The following LRRTM4 variants were observed in gnomAD, a reference collection of about 807,000 sequenced individuals.
LRRTM4 encodes leucine rich repeat transmembrane neuronal 4, also known as leucine-rich repeat transmembrane neuronal protein 4.
Under a neutral mutation model 47.6 loss-of-function variants are expected in LRRTM4, and 25 were observed. The observed-to-expected ratio is 0.53, with a 90% confidence interval of 0.38 to 0.73. The LOEUF is 0.73. Among genes scored for constraint, LRRTM4 ranks in the 30% least tolerant of loss-of-function variants. LRRTM4 has a pLI of 0.00. For missense variants in LRRTM4, 638 were observed against 713.4 expected (o/e 0.89, Z 1.20); for synonymous variants, 311 against 269.5 (o/e 1.15, Z -1.51).
intron 3 of LRRTM4, among the ~76,000 whole-genome samples, chr2:77,044,404 A>G (rs936583950): frequency 6.6e-6 from 1 of 151,798 alleles, no homozygotes; most frequent in Non-Finnish European, 1.5e-5. Context: ...TGGAAGCTCA[A>G]AAATGCTAAC....
intron 3 of LRRTM4, among the ~76,000 whole-genome samples, chr2:77,333,402 A>C (rs1369684272): frequency 6.6e-6 from 1 of 152,206 alleles, no homozygotes; most frequent in Non-Finnish European, 1.5e-5. Context: ...AAATGCTGAT[A>C]ATGATATGGA....
At chr2:77,308,967 T>G (rs1677369688) in intron 3 of LRRTM4, among the ~76,000 whole-genome samples, 1 of 152,104 alleles carries the variant, frequency 6.6e-6, no homozygotes. Flanking sequence ...CAAAAGAATC[T>G]CATTTTCAAA....
chr2:77,259,650 C>CT (rs1212904331), intron 3 of LRRTM4, among the ~76,000 whole-genome samples: 1 of 151,958 alleles, frequency 6.6e-6, no homozygotes, highest in African/African-American at 2.4e-5. Context: ...TAGGCACACC[C>CT]TTTCCAAAGT....
At chr2:76,879,509 G>A (rs956852669) in intron 3 of LRRTM4, among the ~76,000 whole-genome samples, 4 of 152,140 alleles carry the variant, frequency 2.6e-5, no homozygotes, top group Admixed American at 6.5e-5. Context: ...TTACTGCTTG[G>A]TAATAAAACA....
chr2:77,076,897 T>A (rs963653757), intron 3 of LRRTM4, among the ~76,000 whole-genome samples: 1 of 152,164 alleles, frequency 6.6e-6, no homozygotes, highest in African/African-American at 2.4e-5. Context: ...ACATCAGTCA[T>A]CCCTTTGTTA....
intron 3 of LRRTM4, among the ~76,000 whole-genome samples, chr2:77,264,004 TTTAAG>T (rs1389642772): frequency 1.3e-5 from 2 of 149,634 alleles, no homozygotes; most frequent in Admixed American, 6.7e-5. Flanking sequence ...CCGAAACTTC[TTTAAG>T]TTTTTTTTTT....
chr2:77,358,734 T>C (rs771913493), intron 3 of LRRTM4, among the ~76,000 whole-genome samples: 4 of 152,176 alleles, frequency 2.6e-5, no homozygotes, highest in Non-Finnish European at 5.9e-5. Flanking sequence ...CCCATTACCT[T>C]ATGGCTTCGG....
chr2:76,780,081 A>G (rs542755763), intron 3 of LRRTM4, among the ~76,000 whole-genome samples: 2 of 152,168 alleles, frequency 1.3e-5, no homozygotes, highest in Non-Finnish European at 2.9e-5. Context: ...TGAATGTTGA[A>G]TATTGGCCCC....
intron 3 of LRRTM4, among the ~76,000 whole-genome samples, chr2:77,225,175 G>A (rs916446173): frequency 7.5e-6 from 1 of 132,458 alleles, no homozygotes; most frequent in African/African-American, 2.8e-5. Flanking sequence ...AGAACACATG[G>A]ACACAGGAAG....
intron 3 of LRRTM4, among the ~76,000 whole-genome samples, chr2:77,226,110 G>A (rs979005906): frequency 3.3e-5 from 5 of 151,388 alleles, no homozygotes; most frequent in Non-Finnish European, 7.4e-5. Flanking sequence ...TGGATAATAT[G>A]TTTATGTGTT....
chr2:76,974,267 T>C (rs957556121), intron 3 of LRRTM4, among the ~76,000 whole-genome samples: 4 of 144,442 alleles, frequency 2.8e-5, no homozygotes, highest in Non-Finnish European at 4.5e-5. Context: ...CACACATACA[T>C]ATATATATGG....
chr2:77,024,567 T>G (rs1203633150), intron 3 of LRRTM4, among the ~76,000 whole-genome samples: 1 of 152,116 alleles, frequency 6.6e-6, no homozygotes, highest in East Asian at 1.9e-4. Flanking sequence ...AAATCACATT[T>G]TTTTTTGTTA....
intron 3 of LRRTM4, among the ~76,000 whole-genome samples, chr2:76,998,671 G>GA (rs1001455272): frequency 4.5e-5 from 6 of 132,236 alleles, no homozygotes; most frequent in East Asian, 2.0e-4. Context: ...CCGTTGGAGA[G>GA]AAAAAAAACC....
intron 3 of LRRTM4, among the ~76,000 whole-genome samples, chr2:76,819,797 A>T (rs369176632): frequency 4.4e-4 from 67 of 152,050 alleles, no homozygotes; most frequent in African/African-American, 1.5e-3. Context: ...TTCTATTTTC[A>T]TGTACACTCA....
intron 3 of LRRTM4, among the ~76,000 whole-genome samples, chr2:76,790,275 G>A (rs901572939): frequency 6.6e-6 from 1 of 152,196 alleles, no homozygotes; most frequent in East Asian, 1.9e-4. Context: ...GGTGGTATGG[G>A]GATATGGTGC....
intron 3 of LRRTM4, among the ~76,000 whole-genome samples, chr2:77,128,368 T>C (rs1465998397): frequency 6.7e-6 from 1 of 149,292 alleles, no homozygotes; most frequent in Non-Finnish European, 1.5e-5. Flanking sequence ...ATAACAATGA[T>C]AGGGCCAAAA....
rs562903052 is a variant in LRRTM4, at chr2:77,088,685, C to A, written c.1552-339769G>T. Among the ~76,000 whole-genome samples the A allele has an allele frequency of 5.3e-5, 8 of 152,274 alleles. No homozygotes were observed. In the South Asian group the frequency reaches 1.7e-3, roughly 32 times the overall value. On this transcript the variant is annotated intron_variant, in intron 3 of 3. Coordinates refer to ENST00000409884, the MANE Select transcript of LRRTM4 (RefSeq NM_001134745.3). ...CACGGACGCGCATGAAATTTGGTGC[C>A]GTGACTTGGATCAGGGGACTTCCCC... is the stretch of plus-strand genomic sequence containing the variant.
chr2:77,254,247 G>A (rs1298103153), intron 3 of LRRTM4, among the ~76,000 whole-genome samples: 11 of 151,740 alleles, frequency 7.2e-5, no homozygotes, highest in South Asian at 2.1e-4. Context: ...AAAAGAAAGT[G>A]GTATCACATT....
chr2:76,748,769 G>C lies in LRRTM4; in HGVS notation c.1699C>G (p.Arg567Gly). The change falls in exon 4 of 4, where the codon CGA (arginine) becomes GGA (glycine). Residue 567 changes from arginine to glycine, a missense_variant. By Grantham distance (125) the Arg-to-Gly change is moderately radical. Coordinates refer to ENST00000409884, the MANE Select transcript of LRRTM4 (RefSeq NM_001134745.3). ...ATGGTGGCGATGAAGCTGTGGTCTC[G>C]GCCCAGCTCCAGGCCGGGGCTTTCG... ...QDESPGLELG[R>G]DHSFIATIAR... The C allele has an allele frequency of 1.9e-6, 3 of 1,613,914 alleles. No individual in the cohort carries two copies. The highest frequency in any genetic ancestry group is 2.5e-6 in the Non-Finnish European group (3 of 1,179,878).
Sources: allele counts gnomAD v4.1 joint callset (sites outside exome capture counted in the v4.1 genomes callset), GRCh38; gene constraint gnomAD v4.1.1; transcripts MANE v1.5; gene names NCBI Gene and HGNC (gene_info 2026-07-23, HGNC 2026-07-21).